The following FAIM2 variants were observed in gnomAD, a reference collection of about 807,000 sequenced individuals.
The protein encoded by FAIM2 is protein lifeguard 2.
Under a neutral mutation model 47.4 loss-of-function variants are expected in FAIM2, and 27 were observed. The observed-to-expected ratio is 0.57, with a 90% CI of 0.42 to 0.78. The LOEUF (loss-of-function observed/expected upper bound fraction) is 0.78. Ranked by LOEUF, FAIM2 falls within the 30% of genes least tolerant of loss-of-function variation. The probability of loss-of-function intolerance (pLI) is 0.00; values close to 1 mark genes in which losing one functional copy is unlikely to be tolerated. For missense variants in FAIM2, 311 were observed against 389.4 expected (o/e 0.80, Z 1.69); for synonymous variants, 156 against 159.3 (o/e 0.98, Z 0.16).
At chr12:49,902,711 C>T (rs1421864033) in intron 1 of FAIM2, 2 of 152,240 alleles carry the variant, frequency 1.3e-5, no homozygotes, top group African/African-American at 2.4e-5. Context: ...CCCAGCCCCC[C>T]TCATCACCCG....
At position 49,898,102 on chromosome 12, in the gene FAIM2, G is replaced by A. The variant is rs767597513; in HGVS notation, c.212-12C>T. The A allele has an allele frequency of 1.5e-5, 24 of 1,601,668 alleles. No homozygotes were observed. Among genetic ancestry groups the A allele is most frequent in the South Asian group, 4.4e-5 (4 of 90,816 alleles). ...GCTGGAGCTGCTGCCTGTGTGGCAC[G>A]TGGAGGAGGAGGACATGAGGGTTCC... On this transcript the variant is annotated splice_polypyrimidine_tract_variant and intron_variant, in intron 2 of 11. Transcript: ENST00000320634.
At chr12:49,877,429 A>G (rs1946743752) in intron 11 of FAIM2, among the ~76,000 whole-genome samples, 1 of 152,276 alleles carries the variant, frequency 6.6e-6, no homozygotes, top group South Asian at 2.1e-4. Context: ...GCGACCTAAT[A>G]GAGAAGGTTC....
intron 10 of FAIM2, among the ~76,000 whole-genome samples, chr12:49,888,510 A>T (rs941439911): frequency 2.6e-5 from 4 of 151,918 alleles, no homozygotes; most frequent in Non-Finnish European, 5.9e-5. Flanking sequence ...TCCTGTGATG[A>T]CCCCAATCTG....
At chr12:49,879,945 T>G (rs1592786944) in intron 11 of FAIM2, among the ~76,000 whole-genome samples, 1 of 139,160 alleles carries the variant, frequency 7.2e-6, no homozygotes, top group South Asian at 2.5e-4. Context: ...CCCTTGTATA[T>G]ATGTGCGCTT....
chr12:49,875,955 G>A (rs555156358), intron 11 of FAIM2, among the ~76,000 whole-genome samples: 31 of 152,250 alleles, frequency 2.0e-4, no homozygotes, highest in African/African-American at 6.5e-4. Flanking sequence ...CAGCCTGGGC[G>A]ACAGAGTGAG....
At position 49,897,972 on chromosome 12, in the gene FAIM2, A is replaced by G; in HGVS notation, c.315+15T>C. ...CTGAGGCTCCCAGTCCCAGAGGGCT[A>G]CAGAGGGGCATTACCTTTCTGACAA... On this transcript the variant is annotated intron_variant, in intron 3 of 11. Coordinates refer to ENST00000320634, the MANE Select transcript of FAIM2 (RefSeq NM_012306.4). 1 of 1,601,216 alleles carries G rather than the reference A, an allele frequency of 6.2e-7. No individual in the cohort carries two copies. The highest frequency in any genetic ancestry group is 8.6e-7 in the Non-Finnish European group (1 of 1,168,364).
At chr12:49,901,029 A>T in intron 2 of FAIM2, 101 bp downstream of exon 2, 1 of 891,064 alleles carries the variant, frequency 1.1e-6, no homozygotes, top group South Asian at 2.0e-5. Context: ...ATACAACCAC[A>T]CAGTGTACCT....
chr12:49,898,729 T>A (rs547370503), intron 2 of FAIM2, among the ~76,000 whole-genome samples: 2 of 152,170 alleles, frequency 1.3e-5, no homozygotes, highest in South Asian at 4.1e-4. Context: ...GGTTTCACCA[T>A]GTTGCCCAGG....
chr12:49,878,311 C>T lies in FAIM2; in HGVS notation c.802-7658G>A, dbSNP rs147446036. Among the ~76,000 whole-genome samples, 44 of 100,538 alleles carry T rather than the reference C, an allele frequency of 4.4e-4. 9 individuals carry two copies. The highest frequency in any genetic ancestry group is 1.3e-3 in the African/African-American group (33 of 24,606). The allele number at this position is 100,538 out of a possible 152,430, so 66.0% of individuals were successfully genotyped here. ...GTGAGTGTATGGGTGTATGTGCATG[C>T]GTGTATATGTGTATTTGTGTGCATG... On this transcript the variant is annotated intron_variant, in intron 11 of 11. Transcript: ENST00000320634.
intron 11 of FAIM2, among the ~76,000 whole-genome samples, chr12:49,878,808 AT>A (rs1946769961): frequency 2.8e-5 from 1 of 35,402 alleles, no homozygotes; most frequent in African/African-American, 1.7e-4. Flanking sequence ...ATATGTGTGC[AT>A]GTGAATGTGT....
chr12:49,894,549 A>G (rs1946922582), intron 5 of FAIM2, among the ~76,000 whole-genome samples: 1 of 152,088 alleles, frequency 6.6e-6, no homozygotes, highest in Non-Finnish European at 1.5e-5. Flanking sequence ...GAGAGAACCA[A>G]TGATTTATGC....
rs571208351 is a variant in FAIM2 at position 49,893,750 on chromosome 12, C to T, written c.435-2636G>A. The stretch of plus-strand genomic sequence containing the variant: ...GGAGGGCTCTTCTGGTAGTTGGTGC[C>T]AGGGGCTGCTGAACATCCTGCTCCG... On this transcript the variant is annotated intron_variant, in intron 5 of 11. Coordinates refer to ENST00000320634, the MANE Select transcript of FAIM2 (RefSeq NM_012306.4). 2.0e-5 allele frequency among the ~76,000 whole-genome samples: 3 copies of T among 152,310 alleles called. No individual in the cohort carries two copies. The East Asian group carries it at 5.8e-4, about 29-fold the overall frequency.
At chr12:49,900,729 C>G (rs905425760) in intron 2 of FAIM2, among the ~76,000 whole-genome samples, 1 of 152,164 alleles carries the variant, frequency 6.6e-6, no homozygotes, top group Non-Finnish European at 1.5e-5. Flanking sequence ...ACTGCACCCC[C>G]ACTCACAGGG....
chr12:49,896,920 T>A (rs1946941673), intron 5 of FAIM2, 111 bp downstream of exon 5: 1 of 876,242 alleles, frequency 1.1e-6, no homozygotes, highest in Non-Finnish European at 1.9e-6. Flanking sequence ...ACAGTCCCTG[T>A]GGGGCTGGGG....
At chr12:49,891,158 G>A (rs969792716) in intron 5 of FAIM2, 44 bp from the exon 6 acceptor site, 47 of 1,582,498 alleles carry the variant, frequency 3.0e-5, no homozygotes, top group Middle Eastern at 1.7e-4. Context: ...GCCTCTCCTG[G>A]GTCCCTCCCC....
chr12:49,882,396 C>A (rs1469476600), intron 11 of FAIM2, among the ~76,000 whole-genome samples: 2 of 152,100 alleles, frequency 1.3e-5, no homozygotes, highest in Non-Finnish European at 2.9e-5. Context: ...TGGTGCTGGG[C>A]CTCCGAGGGC....
At chr12:49,884,806 C>T (rs1438996958) in intron 11 of FAIM2, among the ~76,000 whole-genome samples, 1 of 152,194 alleles carries the variant, frequency 6.6e-6, no homozygotes, top group Non-Finnish European at 1.5e-5. Context: ...AAGCTCGTCT[C>T]TACTAAAAAT....
intron 11 of FAIM2, among the ~76,000 whole-genome samples, chr12:49,887,129 C>A (rs1358391172): frequency 6.6e-6 from 1 of 152,132 alleles, no homozygotes; most frequent in Non-Finnish European, 1.5e-5. Flanking sequence ...TGCCTCTTCC[C>A]AGCTTTGCCT....
At position 49,868,227 on chromosome 12, in the gene FAIM2, C is replaced by G. The variant is rs992381730; in HGVS notation, c.*2277G>C. 6.6e-6 allele frequency: 1 copy of G among 152,336 alleles called. No individual in the cohort carries two copies. Among genetic ancestry groups the G allele is most frequent in the African/African-American group, 2.4e-5 (1 of 41,376 alleles). The allele number at this position is 152,336 out of a possible 1,614,324, so 9.4% of individuals were successfully genotyped here. A position where few individuals can be genotyped will look rare whatever the true frequency, so the allele number is the denominator to read the frequency against. On this transcript the variant is annotated 3_prime_UTR_variant, in exon 12 of 12. Coordinates refer to ENST00000320634, the MANE Select transcript of FAIM2 (RefSeq NM_012306.4). ...GATGAGGAGAGGAAACTGAGGGGCC[C>G]GGAGGAGAGGAGGTGGAGGAGGGTG...
Sources: allele counts gnomAD v4.1 joint callset (sites outside exome capture counted in the v4.1 genomes callset), GRCh38; gene constraint gnomAD v4.1.1; transcripts MANE v1.5; gene names NCBI Gene and HGNC (gene_info 2026-07-23, HGNC 2026-07-21).